Variants in PPP2R2A observed in about 807,000 individuals in gnomAD.
PPP2R2A encodes protein phosphatase 2 regulatory subunit Balpha.
A neutral mutation model predicts 53.2 loss-of-function variants in PPP2R2A; 9 were observed. The ratio of observed to expected loss-of-function variants is 0.17; its 90% CI spans 0.10 to 0.30. The LOEUF (loss-of-function observed/expected upper bound fraction) is 0.30. PPP2R2A is among the 10% of genes least tolerant of loss of function. PPP2R2A has a pLI of 1.00. For missense variants in PPP2R2A, 235 were observed against 534.6 expected (o/e 0.44, Z 5.53); for synonymous variants, 169 against 174.2 (o/e 0.97, Z 0.23).
chr8:26,318,508 A>G (rs181946385), intron 2 of PPP2R2A, among the ~76,000 whole-genome samples: 14 of 152,360 alleles, frequency 9.2e-5, no homozygotes, highest in Admixed American at 8.5e-4. Flanking sequence ...CTATGAATGT[A>G]TAATTGTGGA....
At chr8:26,335,853 C>A (rs917381791) in intron 2 of PPP2R2A, among the ~76,000 whole-genome samples, 5 of 152,198 alleles carry the variant, frequency 3.3e-5, no homozygotes, top group Non-Finnish European at 5.9e-5. Flanking sequence ...TAGTTCACTG[C>A]TAAACACATA....
At chr8:26,340,463 T>C (rs1803884890) in intron 3 of PPP2R2A, among the ~76,000 whole-genome samples, 1 of 152,122 alleles carries the variant, frequency 6.6e-6, no homozygotes, top group Non-Finnish European at 1.5e-5. Flanking sequence ...TTATTGACTC[T>C]CTACACTTTA....
In PPP2R2A at chr8:26,366,423, T is replaced by C. The variant is rs1205387644; in HGVS notation, c.1064+17T>C. 5 of 1,514,592 alleles carry C rather than the reference T, an allele frequency of 3.3e-6. No homozygotes were observed. The highest frequency in any genetic ancestry group is 1.4e-5 in the African/African-American group (1 of 70,744). The allele number at this position is 1,514,592 out of a possible 1,614,324, so 93.8% of individuals were successfully genotyped here. ...ATCTGACAGGTAATTAAGTCAAACC[T>C]CTCAAATATGAATTTTATTAAAGAA... On this transcript the variant is annotated intron_variant, in intron 9 of 9. Transcript: ENST00000380737.
chr8:26,324,743 C>G (rs923813989), intron 2 of PPP2R2A, among the ~76,000 whole-genome samples: 2 of 152,122 alleles, frequency 1.3e-5, no homozygotes, highest in Non-Finnish European at 2.9e-5. Context: ...ACAATCCACA[C>G]CAGCCTGTGA....
At chr8:26,320,850 G>T (rs944489072) in intron 2 of PPP2R2A, among the ~76,000 whole-genome samples, 1 of 152,168 alleles carries the variant, frequency 6.6e-6, no homozygotes, top group Non-Finnish European at 1.5e-5. Flanking sequence ...CAATAGAATT[G>T]AATTATATGG....
intron 2 of PPP2R2A, among the ~76,000 whole-genome samples, chr8:26,322,644 A>G (rs947652277): frequency 3.3e-5 from 5 of 152,050 alleles, no homozygotes; most frequent in African/African-American, 9.7e-5. Flanking sequence ...TCTCAGAAGC[A>G]TGATAAGTCA....
intron 2 of PPP2R2A, among the ~76,000 whole-genome samples, chr8:26,301,688 G>A (rs1228569066): frequency 6.6e-6 from 1 of 152,162 alleles, no homozygotes; most frequent in Non-Finnish European, 1.5e-5. Context: ...GTCCGTAGCT[G>A]CCATCAAAAT....
rs758216102 is a variant in PPP2R2A at position 26,368,936 on chromosome 8, C to G, written c.1065-1198C>G. On this transcript the variant is annotated intron_variant, in intron 9 of 9. Coordinates refer to ENST00000380737, the MANE Select transcript of PPP2R2A (RefSeq NM_002717.4). The stretch of plus-strand genomic sequence containing the variant: ...CCTGGCTAACGTGGTGAAACCCTGT[C>G]TCTACTGAAAATACAAAAAAAACTA... Among the ~76,000 whole-genome samples the G allele has an allele frequency of 1.4e-3, 216 of 151,860 alleles. 1 individual carries two copies. The highest frequency in any genetic ancestry group is 7.1e-3 in the Admixed American group (108 of 15,264).
intron 2 of PPP2R2A, among the ~76,000 whole-genome samples, chr8:26,304,619 A>G (rs1350183649): frequency 2.0e-5 from 3 of 152,148 alleles, no homozygotes; most frequent in Non-Finnish European, 2.9e-5. Flanking sequence ...TGCTTACCAC[A>G]AGGTAAGATT....
intron 6 of PPP2R2A, among the ~76,000 whole-genome samples, chr8:26,361,765 G>A (rs1390295478): frequency 6.6e-6 from 1 of 152,026 alleles, no homozygotes; most frequent in Non-Finnish European, 1.5e-5. Context: ...TTCAAAACCA[G>A]CCTGGCCAAC....
chr8:26,359,796 T>G (rs1452467583), intron 4 of PPP2R2A, among the ~76,000 whole-genome samples: 1 of 152,200 alleles, frequency 6.6e-6, no homozygotes, highest in African/African-American at 2.4e-5. Flanking sequence ...CCCTTTAAAT[T>G]TTTTAAAATT....
intron 3 of PPP2R2A, chr8:26,350,594 G>T (rs1804447156): frequency 6.6e-6 from 1 of 151,216 alleles, no homozygotes; most frequent in South Asian, 2.1e-4. Context: ...CTCTTTTTTT[G>T]GTAGGGATGG....
rs567818976 is a variant in PPP2R2A at position 26,304,948 on chromosome 8, ATTTACCATC to A, written c.82+11211_82+11219del. Among the ~76,000 whole-genome samples the A allele has an allele frequency of 1.4e-3, 212 of 152,290 alleles. 2 individuals carry two copies. The highest frequency in any genetic ancestry group is 4.5e-3 in the African/African-American group (185 of 41,550). On this transcript the variant is annotated intron_variant, in intron 2 of 9. Coordinates refer to ENST00000380737, the MANE Select transcript of PPP2R2A (RefSeq NM_002717.4). The stretch of plus-strand genomic sequence containing the variant: ...TATTATAGAAAACATATAACATTAA[ATTTACCATC>A]TTAACCATTTTCAAATACACTGTTC...
intron 8 of PPP2R2A, chr8:26,365,604 T>C (rs948116746): frequency 2.0e-5 from 3 of 152,210 alleles, no homozygotes; most frequent in South Asian, 2.1e-4. Context: ...TTTGGAACTT[T>C]TGTTTGTAAT....
At position 26,291,743 on chromosome 8, in the gene PPP2R2A, C is replaced by A. The variant is rs565549321; in HGVS notation, c.-77C>A. The A allele has an allele frequency of 5.3e-6, 8 of 1,511,970 alleles. No individual in the cohort carries two copies. The African/African-American group carries it at 7.0e-5, about 13-fold the overall frequency. 93.7% of individuals were successfully genotyped at this position (1,511,970 alleles called of 1,614,324 possible). A position where few individuals can be genotyped will look rare whatever the true frequency, so the allele number is the denominator to read the frequency against. ...CCGCCATCCGCCCTCTCTACCCCCCCATCCCCAGGTGAGGGGGGTGAGTTC... is the reference window on the plus strand; with the variant it reads ...CCGCCATCCGCCCTCTCTACCCCCCAATCCCCAGGTGAGGGGGGTGAGTTC... On this transcript the variant is annotated 5_prime_UTR_variant, in exon 1 of 10. Coordinates refer to ENST00000380737, the MANE Select transcript of PPP2R2A (RefSeq NM_002717.4).
chr8:26,307,559 G>A (rs1802079300), intron 2 of PPP2R2A, among the ~76,000 whole-genome samples: 1 of 152,136 alleles, frequency 6.6e-6, no homozygotes, highest in Admixed American at 6.5e-5. Flanking sequence ...TCCTTAAAAT[G>A]CCAAAATGTC....
intron 2 of PPP2R2A, among the ~76,000 whole-genome samples, chr8:26,329,532 C>A (rs572826820): frequency 1.3e-3 from 197 of 152,228 alleles, no homozygotes; most frequent in Non-Finnish European, 2.4e-3. Context: ...CTATTGAATT[C>A]TTTTTAAAAA....
intron 3 of PPP2R2A, among the ~76,000 whole-genome samples, chr8:26,340,732 T>A (rs1036909490): frequency 1.3e-5 from 2 of 152,074 alleles, no homozygotes; most frequent in Non-Finnish European, 2.9e-5. Flanking sequence ...TTTTTTTAAT[T>A]GGGGGAAATG....
intron 1 of PPP2R2A, 186 bp from the exon 2 acceptor site, chr8:26,293,480 T>C (rs1161861128): frequency 1.4e-6 from 1 of 704,960 alleles, no homozygotes; most frequent in Non-Finnish European, 2.3e-6. Context: ...GAATCTTTTT[T>C]TTCTTTCTAA....
Sources: allele counts gnomAD v4.1 joint callset (sites outside exome capture counted in the v4.1 genomes callset), GRCh38; gene constraint gnomAD v4.1.1; transcripts MANE v1.5; gene names NCBI Gene and HGNC (gene_info 2026-07-23, HGNC 2026-07-21).